The following CDH18 variants were observed in gnomAD, a reference collection of about 807,000 sequenced individuals.
CDH18 encodes the protein cadherin 18, also known as cadherin-18.
A neutral mutation model predicts 67.9 loss-of-function variants in CDH18; 31 were observed. The observed-to-expected ratio is 0.46, with a 90% CI of 0.34 to 0.62. The LOEUF (loss-of-function observed/expected upper bound fraction) is 0.62. Among genes scored for constraint, CDH18 ranks in the 20% least tolerant of loss-of-function variants. CDH18 has a pLI of 0.01. For missense variants in CDH18, 890 were observed against 975.5 expected, an observed-to-expected ratio of 0.91 and a Z score of 1.17; for synonymous variants, 362 against 347.2, an observed-to-expected ratio of 1.04 and a Z score of -0.48.
At chr5:20,522,166 G>A (rs995559628) in intron 1 of CDH18, among the ~76,000 whole-genome samples, 11 of 152,078 alleles carry the variant, frequency 7.2e-5, no homozygotes, top group Non-Finnish European at 1.5e-4. Flanking sequence ...AAGTTAGCCA[G>A]CTGCAAGCCA....
intron 1 of CDH18, among the ~76,000 whole-genome samples, chr5:20,258,753 G>C (rs1253389412): frequency 6.6e-6 from 1 of 151,842 alleles, no homozygotes; most frequent in Admixed American, 6.6e-5. Flanking sequence ...ATCAGAAACC[G>C]AGAGTCCTAA....
intron 1 of CDH18, among the ~76,000 whole-genome samples, chr5:20,431,154 A>T (rs986320999): frequency 1.3e-5 from 2 of 152,126 alleles, no homozygotes; most frequent in Non-Finnish European, 2.9e-5. Context: ...AGCTCTTAGT[A>T]AGCACACTGG....
intron 1 of CDH18, among the ~76,000 whole-genome samples, chr5:20,400,731 C>T (rs1213732199): frequency 2.0e-5 from 3 of 152,040 alleles, no homozygotes; most frequent in East Asian, 3.9e-4. Flanking sequence ...CACTGCACTC[C>T]AGACCCTGCA....
intron 2 of CDH18, among the ~76,000 whole-genome samples, chr5:20,136,396 G>C (rs1749717141): frequency 6.6e-6 from 1 of 152,136 alleles, no homozygotes; most frequent in Non-Finnish European, 1.5e-5. Context: ...TTTTATCAGA[G>C]ACTAGGAATG....
intron 1 of CDH18, among the ~76,000 whole-genome samples, chr5:20,490,049 T>G (rs1007796265): frequency 6.6e-6 from 1 of 150,656 alleles, no homozygotes; most frequent in Admixed American, 6.6e-5. Context: ...TAATTGAATA[T>G]TCTATAGATA....
chr5:20,133,353 G>T (rs1459405493), intron 2 of CDH18, among the ~76,000 whole-genome samples: 1 of 152,100 alleles, frequency 6.6e-6, no homozygotes, highest in African/African-American at 2.4e-5. Flanking sequence ...GTGTGCGGAT[G>T]AACTGCCCTT....
In CDH18 at chr5:19,799,435, AACACACACACACAC is replaced by A. The variant is rs10545142; in HGVS notation, c.228+39310_228+39323del. Among the ~76,000 whole-genome samples, 28 of 143,790 alleles carry A rather than the reference AACACACACACACAC, an allele frequency of 1.9e-4. No homozygotes were observed. In the East Asian group the frequency reaches 4.1e-3, roughly 21 times the overall value. The allele number at this position is 143,790 out of a possible 152,430, so 94.3% of individuals were successfully genotyped here. ...GAATGTTCCCATGTTAAATATTCTCAACACACACACACACACACACACACACACACACACACACC... is the reference window on the plus strand; with the variant it reads ...GAATGTTCCCATGTTAAATATTCTCAACACACACACACACACACACACACC... On this transcript the variant is annotated intron_variant, in intron 3 of 12. Coordinates refer to ENST00000382275, the MANE Select transcript of CDH18 (RefSeq NM_004934.5).
intron 2 of CDH18, among the ~76,000 whole-genome samples, chr5:19,903,116 A>G (rs1269253107): frequency 6.6e-6 from 1 of 151,974 alleles, no homozygotes; most frequent in African/African-American, 2.4e-5. Flanking sequence ...ATATCTTCCA[A>G]ACTTGTACAA....
chr5:20,187,874 T>C (rs911738938), intron 2 of CDH18, among the ~76,000 whole-genome samples: 5 of 151,798 alleles, frequency 3.3e-5, no homozygotes, highest in Admixed American at 1.3e-4. Context: ...CTAATATGCT[T>C]TATAAAAATA....
intron 1 of CDH18, among the ~76,000 whole-genome samples, chr5:20,515,671 G>GTGTC (rs1394101603): frequency 6.6e-6 from 1 of 152,054 alleles, no homozygotes; most frequent in African/African-American, 2.4e-5. Context: ...GTATTGTGGA[G>GTGTC]TGTCTGCCTT....
intron 1 of CDH18, among the ~76,000 whole-genome samples, chr5:19,987,402 C>G (rs940254192): frequency 6.6e-6 from 1 of 151,970 alleles, no homozygotes; most frequent in Non-Finnish European, 1.5e-5. Flanking sequence ...AGTTAACAAA[C>G]ATAAATAAAG....
chr5:20,151,869 T>A (rs571146680), intron 2 of CDH18, among the ~76,000 whole-genome samples: 2 of 151,838 alleles, frequency 1.3e-5, no homozygotes, highest in Admixed American at 1.3e-4. Context: ...ATCACATGAG[T>A]TCAATATCAA....
At chr5:19,942,180 A>G (rs925681805) in intron 2 of CDH18, among the ~76,000 whole-genome samples, 1 of 152,192 alleles carries the variant, frequency 6.6e-6, no homozygotes, top group Non-Finnish European at 1.5e-5. Flanking sequence ...TCCATTCCCA[A>G]CTAGTATTGA....
intron 5 of CDH18, among the ~76,000 whole-genome samples, chr5:19,681,062 C>T (rs1211688615): frequency 6.6e-6 from 1 of 151,920 alleles, no homozygotes; most frequent in Non-Finnish European, 1.5e-5. Context: ...TACATATACG[C>T]CATGGAACAC....
chr5:19,895,133 C>A (rs1288009858), intron 2 of CDH18, among the ~76,000 whole-genome samples: 1 of 152,052 alleles, frequency 6.6e-6, no homozygotes, highest in Non-Finnish European at 1.5e-5. Context: ...GGCATGTTGG[C>A]TGAATTTATG....
At chr5:20,533,471 G>A (rs1015820113) in intron 1 of CDH18, among the ~76,000 whole-genome samples, 7 of 152,078 alleles carry the variant, frequency 4.6e-5, no homozygotes, top group African/African-American at 1.7e-4. Flanking sequence ...GACTCAAAAA[G>A]TATTGAAAGA....
At position 20,381,909 on chromosome 5, in the gene CDH18, G is replaced by T. The variant is rs1743934886; in HGVS notation, c.-579-126404C>A. Among the ~76,000 whole-genome samples, 7 of 151,788 alleles carry T rather than the reference G, an allele frequency of 4.6e-5. No individual in the cohort carries two copies. The South Asian group carries it at 1.4e-3, about 31-fold the overall frequency. On this transcript the variant is annotated intron_variant, in intron 1 of 14. Coordinates refer to the CDH18 transcript ENST00000507958. ...CTTTCTTGTGTTAATGATATATAAGGACATTTATACTATAAATATAATAAT... is the reference window on the plus strand; with the variant it reads ...CTTTCTTGTGTTAATGATATATAAGTACATTTATACTATAAATATAATAAT...
chr5:19,886,364 A>C (rs1260365717), intron 2 of CDH18: 1 of 152,202 alleles, frequency 6.6e-6, no homozygotes. Flanking sequence ...AGGAGATTGC[A>C]TGAGTAAGCG....
intron 1 of CDH18, among the ~76,000 whole-genome samples, chr5:20,362,491 T>C (rs1313094699): frequency 2.0e-5 from 3 of 152,140 alleles, no homozygotes; most frequent in Non-Finnish European, 4.4e-5. Flanking sequence ...CCTAGCTTAA[T>C]AGGTGGCATC....
Sources: gnomAD v4.1 joint callset for allele counts (sites outside exome capture counted in the v4.1 genomes callset) on GRCh38, gnomAD v4.1.1 for gene constraint, MANE v1.5 for transcripts, NCBI Gene and HGNC (gene_info 2026-07-23, HGNC 2026-07-21) for gene names.